DNAJB6: variants seen among roughly 807,000 people sequenced by gnomAD.
The protein encoded by DNAJB6 is dnaJ homolog subfamily B member 6.
Under a neutral mutation model 42.7 loss-of-function variants are expected in DNAJB6, and 16 were observed. That is an observed-to-expected ratio of 0.37 (90% confidence interval 0.25 to 0.57). The LOEUF is 0.57. Ranked by LOEUF, DNAJB6 falls within the 20% of genes least tolerant of loss-of-function variation. The probability of loss-of-function intolerance (pLI) is 0.74; values close to 1 mark genes in which losing one functional copy is unlikely to be tolerated. For synonymous variants in DNAJB6, 170 were observed against 163.5 expected (o/e 1.04, Z -0.30); for missense variants, 347 against 416.8 (o/e 0.83, Z 1.46).
chr7:157,359,246 G>A (rs1045829997), intron 2 of DNAJB6, among the ~76,000 whole-genome samples: 2 of 152,156 alleles, frequency 1.3e-5, no homozygotes, highest in African/African-American at 4.8e-5. Flanking sequence ...TAGCTAGAGA[G>A]CAGTTAGCCT....
chr7:157,382,417 C>A, intron 6 of DNAJB6, 40 bp downstream of exon 6: 1 of 1,558,348 alleles, frequency 6.4e-7, no homozygotes, highest in Admixed American at 2.1e-5. Context: ...ATCTTAACAG[C>A]AGTTAGTACT....
intron 1 of DNAJB6, among the ~76,000 whole-genome samples, chr7:157,346,942 A>C (rs1248324799): frequency 6.6e-6 from 1 of 151,854 alleles, no homozygotes; most frequent in Non-Finnish European, 1.5e-5. Flanking sequence ...TGCAAGCTCC[A>C]CCTCTCGGGT....
chr7:157,369,602 A>ACAGGCCCC (rs1800017814), intron 5 of DNAJB6: 1 of 317,092 alleles, frequency 3.2e-6, no homozygotes, highest in African/African-American at 2.2e-5. Flanking sequence ...TTATTATTAA[A>ACAGGCCCC]TAGGCCCCTT....
chr7:157,415,669 G>A (rs1193962218), intron 9 of DNAJB6: 2 of 255,430 alleles, frequency 7.8e-6, no homozygotes, highest in South Asian at 4.9e-5. Context: ...CCAGGGTGGG[G>A]TTCCAGGACT....
intron 2 of DNAJB6, among the ~76,000 whole-genome samples, chr7:157,362,444 G>A (rs533799157): frequency 1.3e-5 from 2 of 151,766 alleles, no homozygotes; most frequent in East Asian, 2.0e-4. Context: ...GTGCGATCTC[G>A]GCTCACCACA....
At chr7:157,354,670 G>A (rs1164638777) in intron 1 of DNAJB6, among the ~76,000 whole-genome samples, 2 of 152,072 alleles carry the variant, frequency 1.3e-5, no homozygotes, top group Non-Finnish European at 2.9e-5. Context: ...TGACATCTCT[G>A]AGAGCACAGG....
intron 8 of DNAJB6, among the ~76,000 whole-genome samples, chr7:157,395,131 C>T (rs1048808930): frequency 2.6e-5 from 4 of 151,808 alleles, no homozygotes; most frequent in Non-Finnish European, 5.9e-5. Context: ...CCCCAGAAAG[C>T]AGAGAGTTAG....
At chr7:157,355,439 C>T (rs931835644) in intron 1 of DNAJB6, among the ~76,000 whole-genome samples, 1 of 152,190 alleles carries the variant, frequency 6.6e-6, no homozygotes, top group Admixed American at 6.5e-5. Context: ...GGATTACAGG[C>T]GTGAGCCACC....
chr7:157,348,408 T>A (rs1158945883), intron 1 of DNAJB6, among the ~76,000 whole-genome samples: 1 of 152,204 alleles, frequency 6.6e-6, no homozygotes, highest in Non-Finnish European at 1.5e-5. Context: ...TTTTTAATAT[T>A]GCCATATTTT....
At chr7:157,389,869 C>T (rs1000074011) in intron 8 of DNAJB6, among the ~76,000 whole-genome samples, 4 of 152,168 alleles carry the variant, frequency 2.6e-5, no homozygotes, top group African/African-American at 4.8e-5. Flanking sequence ...GGGTATCAGT[C>T]GGTCTTACCT....
chr7:157,368,642 A>G (rs1376269619), intron 5 of DNAJB6: 2 of 152,922 alleles, frequency 1.3e-5, no homozygotes, highest in African/African-American at 4.8e-5. Context: ...CACTTTTGTT[A>G]GCTGTCTCCT....
intron 8 of DNAJB6, among the ~76,000 whole-genome samples, chr7:157,404,325 C>G (rs1251574177): frequency 1.3e-5 from 2 of 150,972 alleles, no homozygotes; most frequent in African/African-American, 4.9e-5. Context: ...AAGTCTTAAT[C>G]TGTCAGTTAG....
intron 1 of DNAJB6, among the ~76,000 whole-genome samples, chr7:157,351,165 C>CTCAGG (rs1798951890): frequency 6.6e-6 from 1 of 152,026 alleles, no homozygotes; most frequent in African/African-American, 2.4e-5. Context: ...AACTCTCTAC[C>CTCAGG]TCAGGTGATC....
At chr7:157,368,277 G>C (rs1239255645) in intron 5 of DNAJB6, among the ~76,000 whole-genome samples, 2 of 152,212 alleles carry the variant, frequency 1.3e-5, no homozygotes, top group Admixed American at 6.5e-5. Context: ...AGAGACAGTG[G>C]TAAGGGCATG....
chr7:157,341,209 C>G (rs1240510409), intron 1 of DNAJB6, among the ~76,000 whole-genome samples: 3 of 152,096 alleles, frequency 2.0e-5, no homozygotes, highest in African/African-American at 7.2e-5. Context: ...ACTGCAACCT[C>G]TGCCGCACGG....
chr7:157,390,541 A>G (rs1219601694), intron 8 of DNAJB6, among the ~76,000 whole-genome samples: 1 of 152,146 alleles, frequency 6.6e-6, no homozygotes, highest in Non-Finnish European at 1.5e-5. Flanking sequence ...TAGAGACCGG[A>G]GGTTTTCTGA....
At chr7:157,342,333 ATTTTTTTTTTTTTTTTT>A (rs11329531) in intron 1 of DNAJB6, among the ~76,000 whole-genome samples, 3 of 60,406 alleles carry the variant, frequency 5.0e-5, no homozygotes, top group African/African-American at 2.2e-4. Flanking sequence ...ATCCTGGCTA[ATTTTTTTTTTTTTTTTT>A]TTTTTTTTTT....
intron 8 of DNAJB6, among the ~76,000 whole-genome samples, chr7:157,402,295 A>G (rs974964922): frequency 1.3e-5 from 2 of 152,204 alleles, no homozygotes; most frequent in South Asian, 2.1e-4. Flanking sequence ...GTGGAAGCAC[A>G]GGGAAGGCGC....
At chr7:157,349,946 G>T (rs1464591903) in intron 1 of DNAJB6, among the ~76,000 whole-genome samples, 3 of 152,114 alleles carry the variant, frequency 2.0e-5, no homozygotes, top group African/African-American at 7.2e-5. Context: ...CCTGGCCAAC[G>T]CCCGGCTAAT....
Sources: gnomAD v4.1 joint callset for allele counts (sites outside exome capture counted in the v4.1 genomes callset) on GRCh38, gnomAD v4.1.1 for gene constraint, MANE v1.5 for transcripts, NCBI Gene and HGNC (gene_info 2026-07-23, HGNC 2026-07-21) for gene names.